The following PPP2R5A variants were observed in gnomAD, a reference collection of about 807,000 sequenced individuals.
The protein encoded by PPP2R5A is serine/threonine-protein phosphatase 2A 56 kDa regulatory subunit alpha isoform.
In PPP2R5A, 25 loss-of-function variants were observed where a neutral mutation model predicts 64.2. That is an observed-to-expected ratio of 0.39 (90% CI 0.28 to 0.54). The LOEUF is 0.54. PPP2R5A is among the 20% of genes least tolerant of loss of function. The pLI, the probability that PPP2R5A is intolerant of heterozygous loss-of-function variation, is 0.67. For synonymous variants in PPP2R5A, 198 were observed against 201.2 expected (o/e 0.98, Z 0.13); for missense variants, 425 against 576.3 (o/e 0.74, Z 2.69).
In PPP2R5A at chr1:212,286,130, C is replaced by T. The variant is rs1002847154; in HGVS notation, c.20C>T (p.Pro7Leu). The T allele has an allele frequency of 1.3e-6, 2 of 1,581,980 alleles. No individual in the cohort carries two copies. The highest frequency in any genetic ancestry group is 1.8e-5 in the Admixed American group (1 of 56,778). ...GCGGAGATGTCGTCGTCGTCGCCGC[C>T]GGCGGGGGCTGCCAGCGCCGCCATC... MSSSSP[P>L]AGAASAAISA... The change falls in exon 1 of 13, where the codon CCG (proline) becomes CTG (leucine). Residue 7 changes from proline (P) to leucine (L), a missense_variant. By Grantham distance (98) the Pro-to-Leu change is moderately conservative (BLOSUM62 -3). Coordinates refer to ENST00000261461, the MANE Select transcript of PPP2R5A (RefSeq NM_006243.4).
intron 1 of PPP2R5A, among the ~76,000 whole-genome samples, chr1:212,295,401 C>G (rs577219118): frequency 1.2e-4 from 18 of 152,150 alleles, no homozygotes; most frequent in South Asian, 2.1e-4. Flanking sequence ...TTGGACAGGT[C>G]GAAGTGTCCA....
At position 212,349,316 on chromosome 1, in the gene PPP2R5A, TTTATAG is replaced by T. The variant is rs1478846187; in HGVS notation, c.927+79_927+84del. ...TCATTGTAGCTTTCGTTTTATAGCC[TTTATAG>T]TTATTAAGTAGAATAATGTACGTTA... On this transcript the variant is annotated intron_variant, in intron 8 of 12. Transcript: ENST00000261461. 21 of 1,108,822 alleles carry T rather than the reference TTTATAG, an allele frequency of 1.9e-5. No homozygotes were observed. In the East Asian group the frequency reaches 4.6e-4, roughly 24 times the overall value. The allele number at this position is 1,108,822 out of a possible 1,614,324, so 68.7% of individuals were successfully genotyped here. A position where few individuals can be genotyped will look rare whatever the true frequency, so the allele number is the denominator to read the frequency against.
intron 1 of PPP2R5A, among the ~76,000 whole-genome samples, chr1:212,326,789 T>C (rs1659414897): frequency 6.6e-6 from 1 of 152,254 alleles, no homozygotes; most frequent in South Asian, 2.1e-4. Flanking sequence ...AGCTATCTTA[T>C]TTTACTGGCA....
intron 1 of PPP2R5A, among the ~76,000 whole-genome samples, chr1:212,300,104 C>T (rs1048570919): frequency 5.9e-5 from 9 of 152,208 alleles, no homozygotes; most frequent in Middle Eastern, 3.4e-3. Flanking sequence ...TGTGAGCCAC[C>T]GCACCTGGCC....
intron 1 of PPP2R5A, among the ~76,000 whole-genome samples, chr1:212,320,568 C>T (rs1216039771): frequency 4.9e-5 from 7 of 144,006 alleles, no homozygotes; most frequent in South Asian, 2.1e-4. Context: ...GCTGTCCGGG[C>T]GGGGGGCTGA....
intron 8 of PPP2R5A, among the ~76,000 whole-genome samples, chr1:212,352,359 C>T (rs1659901457): frequency 6.6e-6 from 1 of 151,926 alleles, no homozygotes; most frequent in Non-Finnish European, 1.5e-5. Context: ...GGCCACTAGT[C>T]AACCCAGTGT....
intron 1 of PPP2R5A, chr1:212,306,708 C>G (rs948472431): frequency 6.6e-6 from 1 of 151,724 alleles, no homozygotes; most frequent in African/African-American, 2.4e-5. Flanking sequence ...TTGACAATCT[C>G]TACCTTTTGA....
chr1:212,296,626 G>A (rs970682239), intron 1 of PPP2R5A, among the ~76,000 whole-genome samples: 2 of 152,188 alleles, frequency 1.3e-5, no homozygotes, highest in Non-Finnish European at 2.9e-5. Context: ...CAAGTTGCCT[G>A]AATAAGGTTA....
chr1:212,339,262 C>T (rs1391352765), intron 3 of PPP2R5A, among the ~76,000 whole-genome samples: 2 of 152,178 alleles, frequency 1.3e-5, no homozygotes, highest in Non-Finnish European at 2.9e-5. Context: ...ACTGCAACCT[C>T]TGCCTCTCAG....
intron 3 of PPP2R5A, among the ~76,000 whole-genome samples, chr1:212,334,296 T>A (rs1281618418): frequency 1.3e-5 from 2 of 152,096 alleles, no homozygotes; most frequent in African/African-American, 4.8e-5. Flanking sequence ...TTCTTTTCTT[T>A]CCTTTTTTTT....
chr1:212,308,305 T>G (rs1330079014), intron 1 of PPP2R5A, among the ~76,000 whole-genome samples: 2 of 152,208 alleles, frequency 1.3e-5, no homozygotes, highest in Non-Finnish European at 2.9e-5. Flanking sequence ...TGTCTTTGAC[T>G]TTCATCATTT....
intron 3 of PPP2R5A, among the ~76,000 whole-genome samples, chr1:212,338,164 C>G (rs946636081): frequency 2.6e-5 from 4 of 151,714 alleles, no homozygotes; most frequent in African/African-American, 9.8e-5. Flanking sequence ...TGGAACTTCT[C>G]CCAAGTCTTT....
In PPP2R5A at chr1:212,332,907, A is replaced by AT. The variant is rs1385247107; in HGVS notation, c.379-585dup. Among the ~76,000 whole-genome samples the AT allele has an allele frequency of 9.6e-4, 140 of 145,472 alleles. No homozygotes were observed. In the Middle Eastern group the frequency reaches 0.01, roughly 11 times the overall value. ...CTTTCTTTTTTATTTTTTTATTTTT[A>AT]TTTTTATTTTTGGAGACAGGGTCTG... On this transcript the variant is annotated intron_variant, in intron 2 of 12. Coordinates refer to ENST00000261461, the MANE Select transcript of PPP2R5A (RefSeq NM_006243.4).
At chr1:212,317,784 G>C (rs748159101) in intron 1 of PPP2R5A, among the ~76,000 whole-genome samples, 1 of 151,948 alleles carries the variant, frequency 6.6e-6, no homozygotes, top group Non-Finnish European at 1.5e-5. Flanking sequence ...TCAGGAGTTC[G>C]AGACCAGTCT....
intron 8 of PPP2R5A, among the ~76,000 whole-genome samples, chr1:212,350,471 T>C (rs963019104): frequency 6.6e-6 from 1 of 151,990 alleles, no homozygotes; most frequent in Admixed American, 6.6e-5. Flanking sequence ...CTGGCCAACA[T>C]GGTGAAACCC....
chr1:212,356,133 C>T (rs766558313), intron 8 of PPP2R5A, among the ~76,000 whole-genome samples: 8 of 151,922 alleles, frequency 5.3e-5, no homozygotes, highest in Non-Finnish European at 8.8e-5. Context: ...TTGTGCTAGC[C>T]ATGAAATAGA....
intron 3 of PPP2R5A, among the ~76,000 whole-genome samples, chr1:212,338,217 T>A (rs1659623333): frequency 6.6e-6 from 1 of 152,234 alleles, no homozygotes; most frequent in Admixed American, 6.5e-5. Context: ...GTTAACTCCC[T>A]TAGGAAAGAC....
At chr1:212,326,698 T>C (rs1346037333) in intron 1 of PPP2R5A, among the ~76,000 whole-genome samples, 2 of 152,244 alleles carry the variant, frequency 1.3e-5, no homozygotes, top group African/African-American at 4.8e-5. Context: ...CTTAGGCTTA[T>C]AGACTTTAAC....
At chr1:212,301,468 A>G (rs1277792742) in intron 1 of PPP2R5A, among the ~76,000 whole-genome samples, 2 of 152,228 alleles carry the variant, frequency 1.3e-5, no homozygotes, top group East Asian at 3.8e-4. Flanking sequence ...ATATTAGAAC[A>G]TTATCAAACT....
Sources: allele counts gnomAD v4.1 joint callset (sites outside exome capture counted in the v4.1 genomes callset), GRCh38; gene constraint gnomAD v4.1.1; transcripts MANE v1.5; gene names NCBI Gene and HGNC (gene_info 2026-07-23, HGNC 2026-07-21).